TIAM1: variants seen among roughly 807,000 people sequenced by gnomAD.
The protein encoded by TIAM1 is TIAM Rac1 associated GEF 1, also known as rho guanine nucleotide exchange factor TIAM1.
Under a neutral mutation model 163.5 loss-of-function variants are expected in TIAM1, and 65 were observed. The ratio of observed to expected loss-of-function variants is 0.40; its 90% CI spans 0.33 to 0.49. The LOEUF is 0.49. TIAM1 is among the 20% of genes least tolerant of loss of function. The probability of loss-of-function intolerance (pLI) is 0.77; values close to 1 mark genes in which losing one functional copy is unlikely to be tolerated. For synonymous variants in TIAM1, 833 were observed against 810.1 expected, an observed-to-expected ratio of 1.03 and a Z score of -0.48; for missense variants, 1,789 against 2,044.7, an observed-to-expected ratio of 0.87 and a Z score of 2.41.
rs762254288 is a variant in TIAM1, at chr21:31,124,581, G to A, written c.4247C>T (p.Pro1416Leu). 29 of 1,613,914 alleles carry A rather than the reference G, an allele frequency of 1.8e-5. No individual in the cohort carries two copies. Among genetic ancestry groups the A allele is most frequent in the Non-Finnish European group, 2.5e-5 (29 of 1,179,942 alleles). The change falls in exon 27 of 28, where the codon CCT becomes CTT. Residue 1416 changes from proline to leucine, a missense_variant. Transcript: ENST00000541036. Reference sequence around the variant, plus strand: ...TGCACACAATCTTTTGCCTCCAAAAGGGACATATTGCTGGGATGAGGGAAG... The same window carrying A: ...TGCACACAATCTTTTGCCTCCAAAAAGGACATATTGCTGGGATGAGGGAAG... ...ESLPSSQQYV[P>L]FGGKRLCALK...
intron 2 of TIAM1, among the ~76,000 whole-genome samples, chr21:31,432,059 T>C (rs536502262): frequency 2.0e-4 from 30 of 150,082 alleles, no homozygotes; most frequent in African/African-American, 7.3e-4. Flanking sequence ...CCTTAATAAA[T>C]ATGGGGTGAA....
intron 1 of TIAM1, among the ~76,000 whole-genome samples, chr21:31,519,669 T>A (rs1047800184): frequency 1.3e-5 from 2 of 152,114 alleles, no homozygotes; most frequent in African/African-American, 4.8e-5. Flanking sequence ...CTTTGACGCA[T>A]GAACAGATAA....
chr21:31,481,925 C>T (rs1005767189), intron 1 of TIAM1, among the ~76,000 whole-genome samples: 3 of 152,106 alleles, frequency 2.0e-5, no homozygotes, highest in Admixed American at 6.5e-5. Context: ...ACCCTCTAAT[C>T]ACATGGTTTG....
chr21:31,526,691 C>T (rs1001168883), intron 1 of TIAM1, among the ~76,000 whole-genome samples: 2 of 151,994 alleles, frequency 1.3e-5, no homozygotes, highest in African/African-American at 4.8e-5. Context: ...AAGCTGTATT[C>T]TCTTTTTTTG....
chr21:31,437,502 C>CAAAAAAAAA (rs778245444), intron 2 of TIAM1, among the ~76,000 whole-genome samples: 71 of 106,510 alleles, frequency 6.7e-4, no homozygotes, highest in Middle Eastern at 4.7e-3. Flanking sequence ...GACCCTGTCT[C>CAAAAAAAAA]AAAAAAAAAA....
In TIAM1 at chr21:31,210,601, A is replaced by AGAAG. The variant is rs1425965757; in HGVS notation, c.2218-390_2218-387dup. On this transcript the variant is annotated intron_variant, in intron 10 of 27. Transcript: ENST00000541036. ...AAGAAAGAAAGAAAGAAAGAGAGAA[A>AGAAG]GAAGGAAGGAAGGGAGAAAGAAAGA... Among the ~76,000 whole-genome samples the AGAAG allele has an allele frequency of 3.5e-4, 40 of 114,000 alleles. 2 individuals carry two copies. The highest frequency in any genetic ancestry group is 1.7e-3 in the African/African-American group (37 of 22,190). The allele number at this position is 114,000 out of a possible 152,430, so 74.8% of individuals were successfully genotyped here.
chr21:31,253,928 A>G (rs1405873124), intron 4 of TIAM1, among the ~76,000 whole-genome samples: 4 of 152,206 alleles, frequency 2.6e-5, no homozygotes, highest in Non-Finnish European at 4.4e-5. Context: ...ATACAAGACA[A>G]AAGAAAATTT....
chr21:31,483,499 T>C (rs1011257989), intron 1 of TIAM1, among the ~76,000 whole-genome samples: 1 of 152,136 alleles, frequency 6.6e-6, no homozygotes, highest in African/African-American at 2.4e-5. Flanking sequence ...TTTTTTGCTA[T>C]GTGGATTTCT....
At chr21:31,531,539 A>C (rs1404183316) in intron 1 of TIAM1, among the ~76,000 whole-genome samples, 2 of 152,180 alleles carry the variant, frequency 1.3e-5, no homozygotes, top group African/African-American at 4.8e-5. Context: ...TGTGATCGCT[A>C]TAGTGAAAGA....
In TIAM1 at chr21:31,556,074, C is replaced by G. The variant is rs562655510; in HGVS notation, c.-422+2853G>C. ...TTAAATTGTCAGCTAATGAGATTTC[C>G]TAACCACGTGCTCCCTTTTAAGTCT... On this transcript the variant is annotated intron_variant, in intron 1 of 28. Transcript: ENST00000286827. 3.3e-5 allele frequency among the ~76,000 whole-genome samples: 5 copies of G among 152,260 alleles called. No individual in the cohort carries two copies. In the East Asian group the frequency reaches 9.6e-4, roughly 29 times the overall value.
At chr21:31,506,001 ACT>A (rs1308858650) in intron 1 of TIAM1, among the ~76,000 whole-genome samples, 2 of 116,708 alleles carry the variant, frequency 1.7e-5, no homozygotes, top group Middle Eastern at 4.2e-3. Flanking sequence ...ACACGGTGAG[ACT>A]CTGCCTCAAA....
chr21:31,409,562 G>C (rs537653973), intron 2 of TIAM1, among the ~76,000 whole-genome samples: 76 of 152,258 alleles, frequency 5.0e-4, no homozygotes, highest in African/African-American at 1.8e-3. Flanking sequence ...TGGATGCCAA[G>C]CACACAGGAC....
chr21:31,434,540 C>T (rs1414410195), intron 2 of TIAM1, among the ~76,000 whole-genome samples: 1 of 152,210 alleles, frequency 6.6e-6, no homozygotes, highest in African/African-American at 2.4e-5. Context: ...TTGTGAAGAC[C>T]ATGGTTAAGA....
intron 2 of TIAM1, among the ~76,000 whole-genome samples, chr21:31,381,186 A>T (rs1214767018): frequency 6.6e-6 from 1 of 152,204 alleles, no homozygotes; most frequent in Non-Finnish European, 1.5e-5. Context: ...TGGACTGAAC[A>T]TCTGTGTCCC....
At chr21:31,187,590 T>C (rs1040442136) in intron 13 of TIAM1, among the ~76,000 whole-genome samples, 1 of 152,194 alleles carries the variant, frequency 6.6e-6, no homozygotes, top group Admixed American at 6.5e-5. Flanking sequence ...TACGAATCTG[T>C]AATGTGAATT....
chr21:31,130,929 G>T lies in TIAM1; in HGVS notation c.3903C>A (p.Val1301=). 6.2e-7 allele frequency: 1 copy of T among 1,613,930 alleles called. No homozygotes were observed. The highest frequency in any genetic ancestry group is 8.5e-7 in the Non-Finnish European group (1 of 1,179,956). Residue 1301 remains valine (V), a synonymous_variant, in exon 24 of 28, where the codon GTC becomes GTA. Coordinates refer to ENST00000541036, the MANE Select transcript of TIAM1 (RefSeq NM_001353694.2). ...GTTTGGAACCATCTTTATACACAAG[G>T]ACCACAGCAGTTTTGAAGACTGGAA... ...LAAFVFKTAV[V]LVYKDGSKQK...
At chr21:31,296,794 G>A (rs772185251) in intron 2 of TIAM1, among the ~76,000 whole-genome samples, 1 of 152,156 alleles carries the variant, frequency 6.6e-6, no homozygotes, top group Non-Finnish European at 1.5e-5. Context: ...CTCCAGAGTA[G>A]CTGGGACTAC....
At chr21:31,197,494 G>T (rs1488035881) in intron 12 of TIAM1, among the ~76,000 whole-genome samples, 7 of 149,426 alleles carry the variant, frequency 4.7e-5, no homozygotes, top group Admixed American at 2.7e-4. Flanking sequence ...TCCTGCCTCA[G>T]CCTACCGAGT....
chr21:31,523,364 C>T (rs1406049741), intron 1 of TIAM1, among the ~76,000 whole-genome samples: 1 of 152,196 alleles, frequency 6.6e-6, no homozygotes, highest in Non-Finnish European at 1.5e-5. Flanking sequence ...TTTATATAAG[C>T]AGCAGAAATC....
Sources: gnomAD v4.1 joint callset for allele counts (sites outside exome capture counted in the v4.1 genomes callset) on GRCh38, gnomAD v4.1.1 for gene constraint, MANE v1.5 for transcripts, NCBI Gene and HGNC (gene_info 2026-07-23, HGNC 2026-07-21) for gene names.